The following IGF2R variants were observed in gnomAD, a reference collection of about 807,000 sequenced individuals.
IGF2R encodes cation-independent mannose-6-phosphate receptor.
In IGF2R, 91 loss-of-function variants were observed where a neutral mutation model predicts 270.6. The observed-to-expected ratio is 0.34, with a 90% CI of 0.28 to 0.40. IGF2R has a LOEUF of 0.40. IGF2R is among the 10% of genes least tolerant of loss of function. The pLI, the probability that IGF2R is intolerant of heterozygous loss-of-function variation, is 1.00. For synonymous variants in IGF2R, 1,316 were observed against 1,258.9 expected (o/e 1.05, Z -0.96); for missense variants, 2,805 against 3,188.3 (o/e 0.88, Z 2.90).
At chr6:160,062,343 T>C (rs1778458940) in intron 25 of IGF2R, among the ~76,000 whole-genome samples, 189 bp from the exon 26 acceptor site, 1 of 151,836 alleles carries the variant, frequency 6.6e-6, no homozygotes, top group East Asian at 1.9e-4. Flanking sequence ...CCAGCTAACT[T>C]TTGTATTTTT....
intron 2 of IGF2R, among the ~76,000 whole-genome samples, chr6:159,994,253 T>C (rs752477772): frequency 1.3e-5 from 2 of 152,074 alleles, no homozygotes; most frequent in Non-Finnish European, 2.9e-5. Context: ...GAGATGTTTA[T>C]AGTAGCCTCT....
chr6:159,994,970 C>G (rs1784030384), intron 2 of IGF2R, among the ~76,000 whole-genome samples: 1 of 152,012 alleles, frequency 6.6e-6, no homozygotes, highest in African/African-American at 2.4e-5. Context: ...ATCCTGAGTC[C>G]AATTTAAGTT....
At chr6:160,071,415 T>C (rs1409862944) in intron 31 of IGF2R, among the ~76,000 whole-genome samples, 1 of 152,214 alleles carries the variant, frequency 6.6e-6, no homozygotes, top group Non-Finnish European at 1.5e-5. Context: ...ATGCTAACTC[T>C]GCAGTGGACA....
Position 160,107,731 on chromosome 6 carries a change from T to C in IGF2R, c.*2647T>C, listed in dbSNP as rs553551844. The C allele has an allele frequency of 6.6e-6, 1 of 152,348 alleles. No homozygotes were observed. The highest frequency in any genetic ancestry group is 1.9e-4 in the East Asian group (1 of 5,188). The allele number at this position is 152,348 out of a possible 1,614,324, so 9.4% of individuals were successfully genotyped here. A position where few individuals can be genotyped will look rare whatever the true frequency, so the allele number is the denominator to read the frequency against. ...GTGGAAATCTGGTTCTTATGAACAT[T>C]TTAAGAGCATCTGAAGCCTGTACTT... On this transcript the variant is annotated 3_prime_UTR_variant, in exon 48 of 48. Transcript: ENST00000356956.
intron 18 of IGF2R, 24 bp downstream of exon 18, chr6:160,048,567 C>T (rs1245608797): frequency 4.4e-6 from 7 of 1,607,166 alleles, no homozygotes; most frequent in Non-Finnish European, 5.1e-6. Flanking sequence ...CACTGCTTGT[C>T]TCCTTTGCCC....
intron 1 of IGF2R, among the ~76,000 whole-genome samples, chr6:159,987,225 A>C (rs910795190): frequency 1.3e-5 from 2 of 152,244 alleles, no homozygotes; most frequent in Non-Finnish European, 2.9e-5. Flanking sequence ...ATTATGAAAT[A>C]GTCTTTAAAA....
At chr6:159,987,581 G>A (rs560247378) in intron 1 of IGF2R, among the ~76,000 whole-genome samples, 1 of 152,202 alleles carries the variant, frequency 6.6e-6, no homozygotes, top group Admixed American at 6.5e-5. Context: ...TAGTAGAGAC[G>A]GAGTTTCACC....
intron 3 of IGF2R, among the ~76,000 whole-genome samples, chr6:160,009,655 A>G (rs1449024471): frequency 6.6e-6 from 1 of 152,198 alleles, no homozygotes; most frequent in African/African-American, 2.4e-5. Context: ...TGTTCTTATT[A>G]TGGGCATATT....
chr6:160,071,973 G>C lies in IGF2R; in HGVS notation c.4507G>C (p.Ala1503Pro). The C allele has an allele frequency of 1.2e-6, 2 of 1,614,190 alleles. No individual in the cohort carries two copies. Among genetic ancestry groups the C allele is most frequent in the Non-Finnish European group, 1.7e-6 (2 of 1,180,034 alleles). Residue 1503 changes from alanine to proline, a missense_variant, in exon 32 of 48, where the codon GCC becomes CCC. Physicochemically the swap from Ala to Pro is conservative, Grantham distance 27. Around this residue, in one of 2 missense-constraint regions of IGF2R, gnomAD observed 1,851 missense variants for 2,207.2 expected, o/e 0.84. Transcript: ENST00000356956. ...TGAGTACACCTTTGCCTGGCCCACA[G>C]CCACAGCCTGTCCCATGAAGAGCAA... ...DCEYTFAWPT[A>P]TACPMKSNEH...
At chr6:160,029,516 T>C in intron 6 of IGF2R, 34 bp from the exon 7 acceptor site, 3 of 1,411,260 alleles carry the variant, frequency 2.1e-6, no homozygotes, top group East Asian at 2.3e-5. Context: ...CTTTATACTT[T>C]TGTAATACTC....
Position 160,073,882 on chromosome 6 carries a change from C to T in IGF2R, c.5073C>T (p.Tyr1691=). 1.2e-6 allele frequency: 2 copies of T among 1,614,130 alleles called. No homozygotes were observed. The highest frequency in any genetic ancestry group is 1.7e-6 in the Non-Finnish European group (2 of 1,179,952). Residue 1691 remains tyrosine (Y), a synonymous_variant, in exon 35 of 48, where the codon TAC becomes TAT. Transcript: ENST00000356956. ...CCTCCGATACCAACCCTGATTTCTA[C>T]ATCAATATTTGTCAGCCACTAAATC... ...DDASDTNPDF[Y]INICQPLNPM...
At chr6:160,065,802 GTGTGTGTGTGTGTA>G (rs1436839861) in intron 29 of IGF2R, among the ~76,000 whole-genome samples, 3 of 61,702 alleles carry the variant, frequency 4.9e-5, no homozygotes, top group African/African-American at 2.3e-4. Flanking sequence ...GTGTGTGTGT[GTGTGTGTGTGTGTA>G]TATATATATA....
chr6:160,058,135 T>G lies in IGF2R; in HGVS notation c.2898+11T>G, dbSNP rs369442813. 10 of 1,546,366 alleles carry G rather than the reference T, an allele frequency of 6.5e-6. No homozygotes were observed. The African/African-American group carries it at 1.4e-4, about 21-fold the overall frequency. ...GGGAAGATTTTTATGGTAAGAGCGA[T>G]ATGATGCATTTCCAGTTTGCTTTGA... On this transcript the variant is annotated intron_variant, in intron 21 of 47. Transcript: ENST00000356956.
intron 1 of IGF2R, among the ~76,000 whole-genome samples, chr6:159,970,132 T>C (rs749633071): frequency 6.6e-6 from 1 of 152,040 alleles, no homozygotes; most frequent in Non-Finnish European, 1.5e-5. Flanking sequence ...CTGGGAACCA[T>C]GATTGTATAA....
chr6:160,046,103 G>T (rs1562355867), intron 14 of IGF2R, among the ~76,000 whole-genome samples: 1 of 152,124 alleles, frequency 6.6e-6, no homozygotes, highest in African/African-American at 2.4e-5. Context: ...CAAAACCTTC[G>T]GAACACAAGG....
intron 4 of IGF2R, among the ~76,000 whole-genome samples, chr6:160,012,870 G>T (rs924917008): frequency 6.6e-6 from 1 of 150,798 alleles, no homozygotes; most frequent in South Asian, 2.1e-4. Flanking sequence ...CAGGTGATCC[G>T]CCTGCCTCGG....
At chr6:159,992,385 G>A (rs1187411370) in intron 2 of IGF2R, among the ~76,000 whole-genome samples, 1 of 152,016 alleles carries the variant, frequency 6.6e-6, no homozygotes, top group East Asian at 1.9e-4. Flanking sequence ...ACCTTTCTGA[G>A]TCTCCAGTGT....
At position 159,998,551 on chromosome 6, in the gene IGF2R, T is replaced by C. The variant is rs1181272652; in HGVS notation, c.289+7228T>C. ...TAGGAAACGATGCCTACAGGGGAGA[T>C]ACCAAAGATAACTAGATGACTAAAA... On this transcript the variant is annotated intron_variant, in intron 2 of 47. Transcript: ENST00000356956. This position sits in a 1 kb window ranked among gnomAD's most constrained non-coding sequence, Gnocchi z 4.1. 6.6e-6 allele frequency among the ~76,000 whole-genome samples: 1 copy of C among 152,188 alleles called. No homozygotes were observed. The highest frequency in any genetic ancestry group is 1.5e-5 in the Non-Finnish European group (1 of 68,034).
rs898041423 is a variant in IGF2R at position 160,084,526 on chromosome 6, G to A, written c.6068+342G>A. On this transcript the variant is annotated intron_variant, in intron 40 of 47. Transcript: ENST00000356956. The surrounding 1 kb of genome is among the most constrained non-coding windows in gnomAD (Gnocchi z 4.6). ...GTGGGTTTTCTCGGGTCTTTGGCAG[G>A]AGCTCCTTAGGCTTTGCTGGCTGGG... is the stretch of plus-strand genomic sequence containing the variant. Among the ~76,000 whole-genome samples the A allele has an allele frequency of 3.9e-5, 6 of 152,312 alleles. No individual in the cohort carries two copies. In the South Asian group the frequency reaches 1.2e-3, roughly 32 times the overall value.
Sources: gnomAD v4.1 joint callset for allele counts (sites outside exome capture counted in the v4.1 genomes callset) on GRCh38, gnomAD v4.1.1 for gene constraint, gnomAD v4.1.1 regional missense constraint, Gnocchi (gnomAD v3.1) non-coding constraint, MANE v1.5 for transcripts, NCBI Gene and HGNC (gene_info 2026-07-23, HGNC 2026-07-21) for gene names.